Variants in CNTN4 observed in about 807,000 individuals in gnomAD.
CNTN4 encodes the protein contactin-4.
CNTN4 carries 77 observed loss-of-function variants against 122.5 expected under a neutral mutation model. The ratio of observed to expected loss-of-function variants is 0.63; its 90% CI spans 0.52 to 0.76. The LOEUF is 0.76. CNTN4 is among the 30% of genes least tolerant of loss of function. CNTN4 has a pLI of 0.00. For missense variants in CNTN4, 1,256 were observed against 1,259.1 expected (o/e 1.00, Z 0.04); for synonymous variants, 512 against 447.0 (o/e 1.15, Z -1.83).
intron 3 of CNTN4, among the ~76,000 whole-genome samples, chr3:2,455,990 A>G (rs1227997828): frequency 6.6e-6 from 1 of 152,106 alleles, no homozygotes; most frequent in African/African-American, 2.4e-5. Flanking sequence ...ATGTGGGAAT[A>G]TTTTGCTAGG....
intron 2 of CNTN4, among the ~76,000 whole-genome samples, chr3:2,108,182 T>TC (rs1421242785): frequency 6.9e-6 from 1 of 144,112 alleles, no homozygotes; most frequent in African/African-American, 2.6e-5. Context: ...TTTTTTTTTT[T>TC]TCATGACTGT....
intron 2 of CNTN4, among the ~76,000 whole-genome samples, chr3:2,105,546 C>T (rs115635388): frequency 0.02 from 3,009 of 152,086 alleles, 42 homozygotes; most frequent in Middle Eastern, 0.037. Context: ...GAGGAAGAGC[C>T]CCTTATAAAA....
chr3:2,776,046 A>G (rs939020584), intron 6 of CNTN4, among the ~76,000 whole-genome samples: 10 of 152,320 alleles, frequency 6.6e-5, no homozygotes, highest in Admixed American at 4.6e-4. Context: ...GTCAACCTTA[A>G]TAACCGGATT....
In CNTN4 at chr3:2,709,412, A is replaced by G. The variant is rs182165278; in HGVS notation, c.56-26803A>G. Reference sequence around the variant, plus strand: ...TGATTGGTAAGGGTACAACCTGTGCACCAGGGATTTTCAAAGTTCCCTCAG... The same window carrying G: ...TGATTGGTAAGGGTACAACCTGTGCGCCAGGGATTTTCAAAGTTCCCTCAG... On this transcript the variant is annotated intron_variant, in intron 4 of 24. Transcript: ENST00000418658. This position sits in a 1 kb window ranked among gnomAD's most constrained non-coding sequence, Gnocchi z 5.0. 6.6e-6 allele frequency among the ~76,000 whole-genome samples: 1 copy of G among 152,010 alleles called. No individual in the cohort carries two copies. The highest frequency in any genetic ancestry group is 1.5e-5 in the Non-Finnish European group (1 of 68,008).
intron 2 of CNTN4, among the ~76,000 whole-genome samples, chr3:2,171,421 A>G (rs1159302650): frequency 6.6e-6 from 1 of 152,208 alleles, no homozygotes; most frequent in Non-Finnish European, 1.5e-5. Flanking sequence ...AAAGAAAATA[A>G]TGTGAAACTA....
intron 3 of CNTN4, among the ~76,000 whole-genome samples, chr3:2,435,033 T>C (rs2048211217): frequency 6.6e-6 from 1 of 152,168 alleles, no homozygotes; most frequent in African/African-American, 2.4e-5. Flanking sequence ...TTTCTGTGTC[T>C]TTCCAAAATA....
Position 2,709,330 on chromosome 3 carries a change from A to G in CNTN4, c.56-26885A>G, listed in dbSNP as rs974366958. Reference sequence around the variant, plus strand: ...TTCTCAACCTTGGCTGCATATTAGAATCATCTGGGGGTCCTTAAAAAATAC... The same window carrying G: ...TTCTCAACCTTGGCTGCATATTAGAGTCATCTGGGGGTCCTTAAAAAATAC... On this transcript the variant is annotated intron_variant, in intron 4 of 24. Transcript: ENST00000418658. The surrounding 1 kb of genome is among the most constrained non-coding windows in gnomAD (Gnocchi z 5.0). Among the ~76,000 whole-genome samples the G allele has an allele frequency of 6.6e-6, 1 of 152,150 alleles. No individual in the cohort carries two copies. Among genetic ancestry groups the G allele is most frequent in the Non-Finnish European group, 1.5e-5 (1 of 68,024 alleles).
chr3:2,783,555 T>G (rs543856744), intron 6 of CNTN4, among the ~76,000 whole-genome samples: 1 of 152,340 alleles, frequency 6.6e-6, no homozygotes, highest in Non-Finnish European at 1.5e-5. Flanking sequence ...GTGTTTTTTC[T>G]CAGCAGGATT....
At chr3:2,499,797 A>G (rs891068815) in intron 3 of CNTN4, among the ~76,000 whole-genome samples, 27 of 152,152 alleles carry the variant, frequency 1.8e-4, no homozygotes, top group Non-Finnish European at 3.4e-4. Flanking sequence ...TAAGAATTTT[A>G]TTAAGCCCAT....
At chr3:2,870,739 G>A (rs1000099520) in intron 8 of CNTN4, among the ~76,000 whole-genome samples, 1 of 152,182 alleles carries the variant, frequency 6.6e-6, no homozygotes, top group Non-Finnish European at 1.5e-5. Context: ...TGAACTAATT[G>A]CTAGACTTGT....
At chr3:2,442,320 A>C (rs1575639874) in intron 3 of CNTN4, among the ~76,000 whole-genome samples, 1 of 152,196 alleles carries the variant, frequency 6.6e-6, no homozygotes, top group Admixed American at 6.5e-5. Flanking sequence ...ACCTAACAAA[A>C]AATACACATT....
chr3:2,771,668 AAAAGATCT>A (rs2091106147), intron 6 of CNTN4, among the ~76,000 whole-genome samples: 1 of 152,234 alleles, frequency 6.6e-6, no homozygotes, highest in Non-Finnish European at 1.5e-5. Context: ...AGATAATAGA[AAAAGATCT>A]AAAGAAAAAA....
intron 6 of CNTN4, among the ~76,000 whole-genome samples, chr3:2,759,068 G>T (rs568925875): frequency 1.4e-4 from 21 of 152,226 alleles, no homozygotes; most frequent in African/African-American, 4.6e-4. Context: ...TCATGTAAAT[G>T]AAATCGTAAT....
Position 2,429,709 on chromosome 3 carries a change from C to A in CNTN4, c.-89+90476C>A, listed in dbSNP as rs142231525. ...GAGTCTACAGAGGCAGGCAGGCCTC[C>A]TTGAGCTGCAGTGGGCTCCACCCAG... On this transcript the variant is annotated intron_variant, in intron 3 of 24. Transcript: ENST00000418658. Among the ~76,000 whole-genome samples the A allele has an allele frequency of 2.9e-3, 439 of 152,286 alleles. 2 individuals carry two copies. Among genetic ancestry groups the A allele is most frequent in the Non-Finnish European group, 4.9e-3 (335 of 68,016 alleles).
At chr3:2,358,352 A>C (rs546603343) in intron 3 of CNTN4, among the ~76,000 whole-genome samples, 1 of 152,054 alleles carries the variant, frequency 6.6e-6, no homozygotes, top group Non-Finnish European at 1.5e-5. Context: ...ATTTAAAAGC[A>C]CTTAACCAGT....
intron 13 of CNTN4, among the ~76,000 whole-genome samples, chr3:2,940,746 T>A (rs1193595051): frequency 7.4e-6 from 1 of 135,810 alleles, no homozygotes; most frequent in Non-Finnish European, 1.6e-5. Context: ...GTAAAAGGAG[T>A]TGAGGAATTT....
intron 3 of CNTN4, among the ~76,000 whole-genome samples, chr3:2,354,717 A>AG (rs1283189075): frequency 6.6e-6 from 1 of 151,894 alleles, no homozygotes; most frequent in Non-Finnish European, 1.5e-5. Context: ...CTGGTATTGC[A>AG]GAAAAAAAAA....
chr3:2,840,057 C>T (rs2093319805), intron 7 of CNTN4, among the ~76,000 whole-genome samples: 1 of 152,090 alleles, frequency 6.6e-6, no homozygotes, highest in South Asian at 2.1e-4. Flanking sequence ...TCCAAAATCC[C>T]CAGGTCAAGC....
At chr3:2,467,932 A>G (rs2075559801) in intron 3 of CNTN4, among the ~76,000 whole-genome samples, 2 of 152,058 alleles carry the variant, frequency 1.3e-5, no homozygotes, top group Non-Finnish European at 2.9e-5. Flanking sequence ...GGGTATCTTT[A>G]TCTATATTTT....
Sources: allele counts gnomAD v4.1 joint callset (sites outside exome capture counted in the v4.1 genomes callset), GRCh38; gene constraint gnomAD v4.1.1; non-coding constraint Gnocchi (gnomAD v3.1); transcripts MANE v1.5; gene names NCBI Gene and HGNC (gene_info 2026-07-23, HGNC 2026-07-21).